Variants in COL6A2 observed in about 807,000 individuals in gnomAD.
COL6A2 encodes collagen type VI alpha 2 chain, also known as collagen alpha-2(VI) chain.
COL6A2 carries 90 observed loss-of-function variants against 124.9 expected under a neutral mutation model. The observed-to-expected ratio is 0.72, with a 90% CI of 0.61 to 0.86. The LOEUF is 0.86. COL6A2 is among the 40% of genes least tolerant of loss of function. The probability of loss-of-function intolerance (pLI) is 0.00; values close to 1 mark genes in which losing one functional copy is unlikely to be tolerated. For missense variants in COL6A2, 1,607 were observed against 1,502.5 expected, an observed-to-expected ratio of 1.07 and a Z score of -1.15; for synonymous variants, 793 against 618.2, an observed-to-expected ratio of 1.28 and a Z score of -4.19.
At chr21:46,120,417 G>A in intron 15 of COL6A2, 98 bp from the exon 16 acceptor site, 1 of 936,546 alleles carries the variant, frequency 1.1e-6, no homozygotes, top group Admixed American at 2.4e-5. Context: ...TTCCTCCCAG[G>A]CCCCCTTCCC....
chr21:46,130,723 ATGT>A (rs906286473), intron 27 of COL6A2, among the ~76,000 whole-genome samples: 4 of 152,202 alleles, frequency 2.6e-5, no homozygotes, highest in Admixed American at 2.0e-4. Flanking sequence ...AGCAGTGAAA[ATGT>A]TATTAGTTTT....
chr21:46,114,678 T>TC (rs1295819223), intron 5 of COL6A2, among the ~76,000 whole-genome samples: 5 of 152,176 alleles, frequency 3.3e-5, no homozygotes, highest in South Asian at 2.1e-4. Context: ...TGAAGGAACC[T>TC]CTTTTGTGGC....
chr21:46,121,465 G>GTGGTCAGGGC lies in COL6A2; in HGVS notation c.1459-87_1459-78dup, dbSNP rs1369767287. On this transcript the variant is annotated intron_variant, in intron 17 of 27. Coordinates refer to ENST00000300527, the MANE Select transcript of COL6A2 (RefSeq NM_001849.4). ...GGAGGAGCTGCGGCCATGTGGCCTG[G>GTGGTCAGGGC]TGGTCAGGGCTGGACGGGGCATGTC... The GTGGTCAGGGC allele has an allele frequency of 5.6e-5, 71 of 1,266,518 alleles. 1 individual carries two copies. The highest frequency in any genetic ancestry group is 7.4e-5 in the African/African-American group (5 of 67,764). 78.5% of individuals were successfully genotyped at this position (1,266,518 alleles called of 1,614,324 possible).
intron 27 of COL6A2, among the ~76,000 whole-genome samples, chr21:46,130,978 ACTGC>A (rs2078752980): frequency 6.6e-6 from 1 of 152,224 alleles, no homozygotes; most frequent in African/African-American, 2.4e-5. Flanking sequence ...AGCTTTGCTC[ACTGC>A]CTGCGGGGCT....
At position 46,125,773 on chromosome 21, in the gene COL6A2, T is replaced by C. The variant is rs1463182153; in HGVS notation, c.1970-12T>C. On this transcript the variant is annotated splice_polypyrimidine_tract_variant and intron_variant, in intron 25 of 27. Coordinates refer to ENST00000300527, the MANE Select transcript of COL6A2 (RefSeq NM_001849.4). ...AGGCCTCTGGCAACGACCTCACGCG[T>C]GCGGCTTGCAGGGACGCGTGTGGGC... The C allele has an allele frequency of 1.2e-6, 2 of 1,610,686 alleles. No individual in the cohort carries two copies. The highest frequency in any genetic ancestry group is 1.7e-6 in the Non-Finnish European group (2 of 1,178,284).
At chr21:46,125,336 CG>C in intron 24 of COL6A2, 25 bp downstream of exon 24, 6 of 1,606,830 alleles carry the variant, frequency 3.7e-6, no homozygotes, top group Non-Finnish European at 4.3e-6. Flanking sequence ...ACGGCAGGGT[CG>C]GGGCCCATGC....
intron 6 of COL6A2, 26 bp from the exon 7 acceptor site, chr21:46,115,983 T>C: frequency 6.2e-7 from 1 of 1,611,904 alleles, no homozygotes; most frequent in Non-Finnish European, 8.5e-7. Flanking sequence ...AGGGCTGGGC[T>C]CACACTGCTG....
At chr21:46,107,017 G>A (rs554140845) in intron 1 of COL6A2, among the ~76,000 whole-genome samples, 1 of 152,214 alleles carries the variant, frequency 6.6e-6, no homozygotes, top group Admixed American at 6.5e-5. Context: ...AAGATAGTGG[G>A]ATGATTTCTT....
At chr21:46,100,452 G>A (rs1277857248) in intron 1 of COL6A2, among the ~76,000 whole-genome samples, 1 of 152,116 alleles carries the variant, frequency 6.6e-6, no homozygotes, top group Admixed American at 6.5e-5. Context: ...TGTGCAGCTA[G>A]TTCAGCGACA....
chr21:46,117,634 G>T, intron 11 of COL6A2, 181 bp downstream of exon 11: 1 of 764,478 alleles, frequency 1.3e-6, no homozygotes, highest in South Asian at 1.6e-5. Context: ...ACTCCCCCTG[G>T]GAGCTCCTGG....
chr21:46,120,621 G>C, intron 16 of COL6A2, 44 bp downstream of exon 16: 1 of 1,430,292 alleles, frequency 7.0e-7, no homozygotes. Context: ...GGGGATCTGA[G>C]GGGGTGCAGG....
chr21:46,131,776 A>G (rs547835235), intron 27 of COL6A2, among the ~76,000 whole-genome samples, 178 bp from the exon 28 acceptor site: 2 of 152,224 alleles, frequency 1.3e-5, no homozygotes, highest in Middle Eastern at 3.4e-3. Flanking sequence ...TGCCGCCTGA[A>G]AGTGTCTTGG....
rs766523982 is a variant in COL6A2 at position 46,112,413 on chromosome 21, G to T, written c.550G>T (p.Gly184Cys). 8 of 1,608,922 alleles carry T rather than the reference G, an allele frequency of 5.0e-6. No individual in the cohort carries two copies. Among genetic ancestry groups the T allele is most frequent in the Non-Finnish European group, 6.8e-6 (8 of 1,179,374 alleles). ...GCAGGCCGAGCGGGCCCGCGAGGAGGGCATCCGGCTCTTCGCCGTGGCCCC... is the reference window on the plus strand; with the variant it reads ...GCAGGCCGAGCGGGCCCGCGAGGAGTGCATCCGGCTCTTCGCCGTGGCCCC... ...KLQAERAREE[G>C]IRLFAVAPNQ... The change falls in exon 3 of 28, where the codon GGC (glycine) becomes TGC (cysteine). Residue 184 changes from glycine to cysteine, a missense_variant. This residue lies in a region of COL6A2 where 342 missense variants were observed against 381.5 expected (regional missense o/e 0.90). Transcript: ENST00000300527.
At chr21:46,106,180 T>C (rs936456420) in intron 1 of COL6A2, among the ~76,000 whole-genome samples, 14 of 152,352 alleles carry the variant, frequency 9.2e-5, no homozygotes, top group African/African-American at 2.9e-4. Flanking sequence ...CAGCAAGATA[T>C]AATAATTATA....
At chr21:46,129,109 T>C (rs2078720033) in intron 27 of COL6A2, 3 of 1,605,514 alleles carry the variant, frequency 1.9e-6, no homozygotes, top group African/African-American at 1.3e-5. Context: ...CTCTTCACTC[T>C]GGCCTCGCTG....
At chr21:46,099,786 C>T (rs936420830) in intron 1 of COL6A2, among the ~76,000 whole-genome samples, 1 of 151,228 alleles carries the variant, frequency 6.6e-6, no homozygotes, top group Non-Finnish European at 1.5e-5. Context: ...TCACAGGGCG[C>T]CTGCTCTTAG....
intron 27 of COL6A2, among the ~76,000 whole-genome samples, chr21:46,127,364 G>A (rs1181576722): frequency 1.3e-5 from 2 of 152,148 alleles, no homozygotes; most frequent in African/African-American, 4.8e-5. Flanking sequence ...CTCCCGGTGG[G>A]TGAGCTGGGC....
Position 46,125,428 on chromosome 21 carries a change from TCCCCGGTACCCCCCGATGA to T in COL6A2, c.1817-33_1817-15del. 1 of 1,610,892 alleles carries T rather than the reference TCCCCGGTACCCCCCGATGA, an allele frequency of 6.2e-7. No homozygotes were observed. The highest frequency in any genetic ancestry group is 1.7e-5 in the Admixed American group (1 of 59,908). ...GCACGTGACCCTAGGGTCTGAGGTC[TCCCCGGTACCCCCCGATGA>T]CCCTGCCACCCCCCCAGACTGTGAG... On this transcript the variant is annotated intron_variant, in intron 24 of 27. Coordinates refer to ENST00000300527, the MANE Select transcript of COL6A2 (RefSeq NM_001849.4).
intron 1 of COL6A2, among the ~76,000 whole-genome samples, chr21:46,108,088 C>T (rs1371042247): frequency 6.6e-6 from 1 of 150,592 alleles, no homozygotes; most frequent in Non-Finnish European, 1.5e-5. Flanking sequence ...CTCTTTCTCT[C>T]TGTCTATATA....
Sources: allele counts gnomAD v4.1 joint callset (sites outside exome capture counted in the v4.1 genomes callset), GRCh38; gene constraint gnomAD v4.1.1; regional missense constraint gnomAD v4.1.1; transcripts MANE v1.5; gene names NCBI Gene and HGNC (gene_info 2026-07-23, HGNC 2026-07-21).